HOOK3: variants seen among roughly 807,000 people sequenced by gnomAD.
HOOK3 encodes the protein protein Hook homolog 3.
In HOOK3, 24 loss-of-function variants were observed where a neutral mutation model predicts 116.3. That is an observed-to-expected ratio of 0.21 (90% CI 0.15 to 0.29). HOOK3 has a LOEUF of 0.29. Among genes scored for constraint, HOOK3 ranks in the 10% least tolerant of loss-of-function variants. The probability of loss-of-function intolerance (pLI) is 1.00; values close to 1 mark genes in which losing one functional copy is unlikely to be tolerated. For missense variants in HOOK3, 632 were observed against 830.2 expected (o/e 0.76, Z 2.93); for synonymous variants, 275 against 283.0 (o/e 0.97, Z 0.28).
Position 43,024,721 on chromosome 8 carries a change from C to T in HOOK3, c.*6223C>T, listed in dbSNP as rs1032893762. On this transcript the variant is annotated 3_prime_UTR_variant, in exon 22 of 22. Coordinates refer to ENST00000307602, the MANE Select transcript of HOOK3 (RefSeq NM_032410.4). ...CCTTTTGTTGAAAATGTTTTATTGT[C>T]CAGTTTTAACACAGAAGTGGTCTAA... 167 of 193,978 alleles carry T rather than the reference C, an allele frequency of 8.6e-4. 4 individuals are homozygous for T. Among genetic ancestry groups the T allele is most frequent in the Admixed American group, 3.0e-4 (5 of 16,396 alleles). 12.0% of individuals were successfully genotyped at this position (193,978 alleles called of 1,614,324 possible). A position where few individuals can be genotyped will look rare whatever the true frequency, so the allele number is the denominator to read the frequency against.
At chr8:42,921,976 T>A (rs1266320392) in intron 2 of HOOK3, among the ~76,000 whole-genome samples, 1 of 152,190 alleles carries the variant, frequency 6.6e-6, no homozygotes, top group Non-Finnish European at 1.5e-5. Flanking sequence ...AGAAGTTTGC[T>A]CAAATTGGTT....
Position 43,002,149 on chromosome 8 carries a change from T to C in HOOK3, c.1655+8T>C, listed in dbSNP as rs1809393030. ...GAAGCTTGAAGAACATCTGTAAGTA[T>C]AAAAGCTGTTGAGGCTGATTCTTCT... On this transcript the variant is annotated splice_region_variant and intron_variant, in intron 17 of 21. Transcript: ENST00000307602. The C allele has an allele frequency of 6.3e-7, 1 of 1,594,982 alleles. No individual in the cohort carries two copies. Among genetic ancestry groups the C allele is most frequent in the Admixed American group, 1.7e-5 (1 of 59,886 alleles).
At chr8:42,975,056 G>A (rs1808795097) in intron 13 of HOOK3, among the ~76,000 whole-genome samples, 1 of 152,124 alleles carries the variant, frequency 6.6e-6, no homozygotes, top group African/African-American at 2.4e-5. Flanking sequence ...TGGCTCTGGG[G>A]TGGACAAGCA....
intron 21 of HOOK3, among the ~76,000 whole-genome samples, chr8:43,015,086 G>A (rs1044217378): frequency 1.7e-4 from 26 of 152,140 alleles, no homozygotes; most frequent in Non-Finnish European, 2.6e-4. Context: ...GGCGGAAGTT[G>A]GGATTGCACC....
chr8:42,981,264 G>A (rs1400143672), intron 13 of HOOK3, among the ~76,000 whole-genome samples: 2 of 151,564 alleles, frequency 1.3e-5, no homozygotes, highest in Admixed American at 6.6e-5. Context: ...TGTTGTTCAG[G>A]CTGGTCTCGA....
chr8:42,966,396 ATCTT>A (rs1808633503), intron 9 of HOOK3, 73 bp from the exon 10 acceptor site: 4 of 1,454,376 alleles, frequency 2.8e-6, no homozygotes, highest in Non-Finnish European at 2.8e-6. Flanking sequence ...CATGCTTTAT[ATCTT>A]TCTTTTACTG....
At chr8:42,941,178 C>G (rs2130382453) in intron 4 of HOOK3, among the ~76,000 whole-genome samples, 1 of 151,208 alleles carries the variant, frequency 6.6e-6, no homozygotes, top group East Asian at 2.0e-4. Context: ...AACTCCTGAC[C>G]TCAGGTGATC....
In HOOK3 at chr8:42,982,622, T is replaced by A. The variant is rs898663858; in HGVS notation, c.1322-5T>A. 4.4e-6 allele frequency: 7 copies of A among 1,597,804 alleles called. No homozygotes were observed. Among genetic ancestry groups the A allele is most frequent in the Non-Finnish European group, 5.1e-6 (6 of 1,165,172 alleles). On this transcript the variant is annotated splice_region_variant and splice_polypyrimidine_tract_variant and intron_variant, in intron 13 of 21. Transcript: ENST00000307602. ...AGCCTTATATTTATGTTTGTATATT[T>A]ACAGGGTTAATGCCTCTTGGAAGTC...
At chr8:42,928,658 A>C (rs1047421680) in intron 3 of HOOK3, among the ~76,000 whole-genome samples, 2 of 152,156 alleles carry the variant, frequency 1.3e-5, no homozygotes, top group Non-Finnish European at 2.9e-5. Context: ...GATGGGTAGA[A>C]AAGTTTATCA....
chr8:42,943,219 A>G lies in HOOK3; in HGVS notation c.268-94A>G, dbSNP rs1337347114. The G allele has an allele frequency of 1.4e-5, 10 of 717,886 alleles. No homozygotes were observed. The East Asian group carries it at 3.0e-4, about 22-fold the overall frequency. The allele number at this position is 717,886 out of a possible 1,614,324, so 44.5% of individuals were successfully genotyped here. A position where few individuals can be genotyped will look rare whatever the true frequency, so the allele number is the denominator to read the frequency against. ...GAACATAATCACTCTGTCCTTGGCA[A>G]TGAGTTTCTGGTAATAACAAACCTC... On this transcript the variant is annotated intron_variant, in intron 4 of 21. Coordinates refer to ENST00000307602, the MANE Select transcript of HOOK3 (RefSeq NM_032410.4).
chr8:42,953,114 T>A (rs1808371453), intron 6 of HOOK3, among the ~76,000 whole-genome samples: 3 of 151,318 alleles, frequency 2.0e-5, no homozygotes, highest in Admixed American at 1.3e-4. Context: ...GGAAATGGGG[T>A]CCTTATTCTA....
At chr8:42,977,081 TGTAAA>T (rs1808844567) in intron 13 of HOOK3, among the ~76,000 whole-genome samples, 1 of 152,202 alleles carries the variant, frequency 6.6e-6, no homozygotes. Context: ...TGGAGGCAGA[TGTAAA>T]GTAAAATTCA....
chr8:43,013,248 A>C, intron 20 of HOOK3, 81 bp from the exon 21 acceptor site: 1 of 1,396,722 alleles, frequency 7.2e-7, no homozygotes, highest in Non-Finnish European at 9.8e-7. Flanking sequence ...CATGAGTTTT[A>C]ACAATTAATT....
At position 42,999,102 on chromosome 8, in the gene HOOK3, A is replaced by G. The variant is rs117990314; in HGVS notation, c.1620+1465A>G. Among the ~76,000 whole-genome samples, 465 of 152,356 alleles carry G rather than the reference A, an allele frequency of 3.1e-3. 2 individuals carry two copies. The Middle Eastern group carries it at 0.031, about 10-fold the overall frequency. ...GTAAAAATGGTGAAATATCAGAATC[A>G]GCTTAAACTTCAGTGTTACAATGAT... On this transcript the variant is annotated intron_variant, in intron 16 of 21. Coordinates refer to ENST00000307602, the MANE Select transcript of HOOK3 (RefSeq NM_032410.4).
intron 2 of HOOK3, among the ~76,000 whole-genome samples, chr8:42,924,196 G>A (rs1047198278): frequency 6.6e-6 from 1 of 152,006 alleles, no homozygotes; most frequent in Non-Finnish European, 1.5e-5. Context: ...AATTGCTCAA[G>A]CAGGACAAAC....
At chr8:42,970,780 G>GTATTTTTT in intron 11 of HOOK3, among the ~76,000 whole-genome samples, 2 of 127,902 alleles carry the variant, frequency 1.6e-5, no homozygotes, top group African/African-American at 6.9e-5. Context: ...AGGAATTTGG[G>GTATTTTTT]TCTTTTTTTT....
intron 2 of HOOK3, among the ~76,000 whole-genome samples, chr8:42,909,432 T>C (rs1028947083): frequency 6.6e-6 from 1 of 152,198 alleles, no homozygotes; most frequent in African/African-American, 2.4e-5. Context: ...AAAGATGTGG[T>C]GTATATGTAC....
chr8:43,007,606 C>T (rs1029632608), intron 17 of HOOK3, among the ~76,000 whole-genome samples: 3 of 151,998 alleles, frequency 2.0e-5, no homozygotes, highest in Non-Finnish European at 2.9e-5. Context: ...AAATGTATAC[C>T]CTCTCTTTAT....
chr8:42,897,238 A>T (rs1275162912), intron 1 of HOOK3, 50 bp downstream of exon 1: 3 of 1,173,964 alleles, frequency 2.6e-6, no homozygotes, highest in Non-Finnish European at 3.2e-6. Flanking sequence ...CCCGCCACCT[A>T]CCGGGACCCT....
Sources: allele counts gnomAD v4.1 joint callset (sites outside exome capture counted in the v4.1 genomes callset), GRCh38; gene constraint gnomAD v4.1.1; transcripts MANE v1.5; gene names NCBI Gene and HGNC (gene_info 2026-07-23, HGNC 2026-07-21).